Variants in SNX31 observed in about 807,000 individuals in gnomAD.
SNX31 encodes the protein sorting nexin-31.
Under a neutral mutation model 65.4 loss-of-function variants are expected in SNX31, and 58 were observed. The observed-to-expected ratio is 0.89, with a 90% CI of 0.72 to 1.10. The LOEUF (loss-of-function observed/expected upper bound fraction) is 1.10, where lower values mean the gene tolerates loss of function less well. SNX31 is among the 50% of genes least tolerant of loss of function. The probability of loss-of-function intolerance (pLI) is 0.00; values close to 1 mark genes in which losing one functional copy is unlikely to be tolerated. For synonymous variants in SNX31, 181 were observed against 190.1 expected, an observed-to-expected ratio of 0.95 and a Z score of 0.39; for missense variants, 523 against 529.7, an observed-to-expected ratio of 0.99 and a Z score of 0.12.
At chr8:100,650,217 T>A (rs1267674794), upstream of SNX31, among the ~76,000 whole-genome samples, 1 of 152,198 alleles carries the variant, frequency 6.6e-6, no homozygotes, top group Non-Finnish European at 1.5e-5. Flanking sequence ...GAAAATAATC[T>A]TCCTAATTCT....
At chr8:100,652,046 TCGGCTCACTGCAAGCTC>T (rs1330542640), upstream of SNX31, among the ~76,000 whole-genome samples, 9 of 152,126 alleles carry the variant, frequency 5.9e-5, no homozygotes, top group Admixed American at 2.0e-4. Context: ...TGGTGTGAGC[TCGGCTCACTGCAAGCTC>T]CACCTCCCGG....
intron 12 of SNX31, among the ~76,000 whole-genome samples, chr8:100,582,140 T>C (rs1162563961): frequency 6.6e-6 from 1 of 152,368 alleles, no homozygotes; most frequent in Non-Finnish European, 1.5e-5. Context: ...AGATTAATTA[T>C]GGATTTCGAT....
chr8:100,636,647 A>G (rs1453960281), intron 2 of SNX31, among the ~76,000 whole-genome samples: 3 of 152,190 alleles, frequency 2.0e-5, no homozygotes, highest in Admixed American at 2.0e-4. Flanking sequence ...AATTAATTCC[A>G]TCTGTTTCCT....
At chr8:100,653,211 T>C (rs972576314), upstream of SNX31, among the ~76,000 whole-genome samples, 6 of 152,126 alleles carry the variant, frequency 3.9e-5, no homozygotes, top group African/African-American at 1.2e-4. Context: ...TGCTCTAGGG[T>C]CTTTGGAATT....
At chr8:100,640,990 T>C (rs902693561) in intron 2 of SNX31, among the ~76,000 whole-genome samples, 10 of 152,290 alleles carry the variant, frequency 6.6e-5, no homozygotes, top group Admixed American at 2.0e-4. Context: ...TTGTAATGAA[T>C]GCACCATATT....
chr8:100,659,387 G>A (rs554806587), intron 1 of SNX31, among the ~76,000 whole-genome samples: 3 of 149,584 alleles, frequency 2.0e-5, no homozygotes, highest in Admixed American at 6.7e-5. Context: ...AGCGTGGGGG[G>A]ACATCACACT....
At chr8:100,649,756 G>A (rs920081623), upstream of SNX31, 4 of 435,878 alleles carry the variant, frequency 9.2e-6, no homozygotes, top group East Asian at 1.6e-4. Flanking sequence ...GGCGCCTGGG[G>A]CTGGGGCGCA....
At chr8:100,618,109 A>T in intron 4 of SNX31, 4 of 985,208 alleles carry the variant, frequency 4.1e-6, no homozygotes, top group Non-Finnish European at 4.8e-6. Flanking sequence ...CAAGCGAACA[A>T]TCCACAGCTT....
At chr8:100,644,119 A>T (rs1355874172) in intron 2 of SNX31, among the ~76,000 whole-genome samples, 1 of 149,508 alleles carries the variant, frequency 6.7e-6, no homozygotes, top group Non-Finnish European at 1.5e-5. Context: ...GGGAAAGAGG[A>T]GATCAGGTTA....
intron 2 of SNX31, among the ~76,000 whole-genome samples, chr8:100,639,059 C>T (rs10955232): frequency 0.39 from 58,958 of 151,552 alleles, 11,832 homozygotes; most frequent in East Asian, 0.49. Flanking sequence ...CAGGGAGGTA[C>T]AGAATAACTG....
At chr8:100,635,820 C>T (rs1222640456) in intron 3 of SNX31, 77 bp downstream of exon 3, 3 of 921,662 alleles carry the variant, frequency 3.3e-6, no homozygotes, top group Non-Finnish European at 5.3e-6. Flanking sequence ...GAATTGTACA[C>T]TTTAGCAGGT....
upstream of SNX31, among the ~76,000 whole-genome samples, chr8:100,652,145 A>T (rs1819985646): frequency 6.6e-6 from 1 of 151,954 alleles, no homozygotes; most frequent in Non-Finnish European, 1.5e-5. Flanking sequence ...TGCCCGGCTA[A>T]TTTTTTGTAT....
At chr8:100,615,829 G>A (rs945924120) in intron 5 of SNX31, among the ~76,000 whole-genome samples, 1 of 152,204 alleles carries the variant, frequency 6.6e-6, no homozygotes, top group Non-Finnish European at 1.5e-5. Flanking sequence ...GAGTGCAGTG[G>A]CGCGATCTCG....
chr8:100,595,976 A>G (rs934038344), intron 10 of SNX31, among the ~76,000 whole-genome samples: 1 of 152,234 alleles, frequency 6.6e-6, no homozygotes, highest in African/African-American at 2.4e-5. Flanking sequence ...AATGGTTGAC[A>G]GTATCGAATG....
chr8:100,607,871 A>T (rs977523762), intron 8 of SNX31, among the ~76,000 whole-genome samples: 1 of 152,240 alleles, frequency 6.6e-6, no homozygotes, highest in Non-Finnish European at 1.5e-5. Flanking sequence ...AACCGCGATC[A>T]TTACAGGAGC....
At chr8:100,621,380 A>T (rs1047548405) in intron 4 of SNX31, among the ~76,000 whole-genome samples, 1 of 152,246 alleles carries the variant, frequency 6.6e-6, no homozygotes, top group Non-Finnish European at 1.5e-5. Flanking sequence ...CCATGTGTTA[A>T]GCTGCCTCTC....
rs1814888460 is a variant in SNX31 at position 100,594,566 on chromosome 8, T to C, written c.978+2073A>G. Among the ~76,000 whole-genome samples, 1 of 152,194 alleles carries C rather than the reference T, an allele frequency of 6.6e-6. No homozygotes were observed. On this transcript the variant is annotated intron_variant, in intron 10 of 13. Coordinates refer to ENST00000311812, the MANE Select transcript of SNX31 (RefSeq NM_152628.4). The surrounding 1 kb of genome is among the most constrained non-coding windows in gnomAD (Gnocchi z 4.0). ...AGATATTCAGCATCATAAGCCATAG[T>C]GAAATGCAAACTTAAGTCACAATGA...
intron 12 of SNX31, among the ~76,000 whole-genome samples, chr8:100,582,034 A>G (rs965708103): frequency 6.6e-6 from 1 of 152,030 alleles, no homozygotes; most frequent in Non-Finnish European, 1.5e-5. Flanking sequence ...CAAAATAAGT[A>G]AAAAAAATAA....
rs111616292 is a variant in SNX31, at chr8:100,621,600, C to T, written c.322-3870G>A. Among the ~76,000 whole-genome samples, 15 of 152,324 alleles carry T rather than the reference C, an allele frequency of 9.8e-5. 1 individual carries two copies. Among genetic ancestry groups the T allele is most frequent in the African/African-American group, 3.4e-4 (14 of 41,566 alleles). On this transcript the variant is annotated intron_variant, in intron 4 of 13. Transcript: ENST00000311812. The stretch of plus-strand genomic sequence containing the variant: ...TAACATCCCCTCTGCCCTAGACTCC[C>T]CACTTCAATGGGCTCCTTACAAGTC...
Sources: allele counts gnomAD v4.1 joint callset (sites outside exome capture counted in the v4.1 genomes callset), GRCh38; gene constraint gnomAD v4.1.1; non-coding constraint Gnocchi (gnomAD v3.1); transcripts MANE v1.5; gene names NCBI Gene and HGNC (gene_info 2026-07-23, HGNC 2026-07-21).